NIBAN2: variants seen among roughly 807,000 people sequenced by gnomAD.
NIBAN2 encodes niban apoptosis regulator 2, also known as protein Niban 2.
In NIBAN2, 36 loss-of-function variants were observed where a neutral mutation model predicts 81.8. That is an observed-to-expected ratio of 0.44 (90% CI 0.34 to 0.58). NIBAN2 has a LOEUF of 0.58. NIBAN2 is among the 20% of genes least tolerant of loss of function. The probability of loss-of-function intolerance (pLI) is 0.02; values close to 1 mark genes in which losing one functional copy is unlikely to be tolerated. For missense variants in NIBAN2, 897 were observed against 1,014.1 expected, an observed-to-expected ratio of 0.88 and a Z score of 1.57; for synonymous variants, 445 against 441.6, an observed-to-expected ratio of 1.01 and a Z score of -0.10.
Position 127,517,907 on chromosome 9 carries a change from C to T in NIBAN2, c.624G>A (p.Ala208=), listed in dbSNP as rs143235897. Residue 208 remains alanine (A), a synonymous_variant, in exon 6 of 14, where the codon GCG becomes GCA. Coordinates refer to ENST00000373312, the MANE Select transcript of NIBAN2 (RefSeq NM_022833.4). This position sits in a 1 kb window ranked among gnomAD's most constrained non-coding sequence, Gnocchi z 4.0. The stretch of plus-strand genomic sequence containing the variant: ...GGTACATGCGGATGGCATCTGTGAA[C>T]GCAGGGCCCTCTACCTTGGAGTCCT... ...IPEDSKVEGP[A]FTDAIRMYRQ... The T allele has an allele frequency of 1.6e-4, 264 of 1,612,338 alleles. No individual in the cohort carries two copies. Among genetic ancestry groups the T allele is most frequent in the Admixed American group, 1.1e-3 (64 of 59,814 alleles).
intron 1 of NIBAN2, among the ~76,000 whole-genome samples, chr9:127,549,861 G>A (rs1383887663): frequency 6.6e-6 from 1 of 152,150 alleles, no homozygotes; most frequent in East Asian, 1.9e-4. Flanking sequence ...AGCTGCAGGT[G>A]TCCTCAGGCT....
chr9:127,557,567 C>A (rs1398644797), intron 1 of NIBAN2, among the ~76,000 whole-genome samples: 1 of 152,254 alleles, frequency 6.6e-6, no homozygotes, highest in Non-Finnish European at 1.5e-5. Flanking sequence ...GCCCAGCCCC[C>A]AGCCTGCAGG....
rs1837281335 is a variant in NIBAN2 at position 127,536,511 on chromosome 9, T to C, written c.56-4733A>G. On this transcript the variant is annotated intron_variant, in intron 1 of 13. Transcript: ENST00000373312. This position sits in a 1 kb window ranked among gnomAD's most constrained non-coding sequence, Gnocchi z 4.0. ...TTGCTTCAGGATTTTACAACTCAAA[T>C]TCCCACATGGCGTCCCGGCCTGGGT... is the stretch of plus-strand genomic sequence containing the variant. Among the ~76,000 whole-genome samples the C allele has an allele frequency of 6.6e-6, 1 of 152,186 alleles. No homozygotes were observed. Among genetic ancestry groups the C allele is most frequent in the Non-Finnish European group, 1.5e-5 (1 of 68,012 alleles).
At chr9:127,557,870 C>T (rs2132230367) in intron 1 of NIBAN2, among the ~76,000 whole-genome samples, 1 of 152,324 alleles carries the variant, frequency 6.6e-6, no homozygotes, top group African/African-American at 2.4e-5. Flanking sequence ...TCCTGCCACC[C>T]TCCTTGAGAG....
intron 1 of NIBAN2, among the ~76,000 whole-genome samples, chr9:127,544,273 G>A (rs1169455849): frequency 1.3e-5 from 2 of 152,134 alleles, no homozygotes; most frequent in Non-Finnish European, 2.9e-5. Context: ...CTGGAGCCAT[G>A]CTTAAAACAA....
intron 1 of NIBAN2, among the ~76,000 whole-genome samples, chr9:127,543,750 C>T (rs1837423265): frequency 6.6e-6 from 1 of 152,202 alleles, no homozygotes. Context: ...TTCCACAGTT[C>T]ACAATCTTAG....
At position 127,508,577 on chromosome 9, in the gene NIBAN2, G is replaced by T; in HGVS notation, c.1318-39C>A. 6.5e-7 allele frequency: 1 copy of T among 1,541,258 alleles called. No individual in the cohort carries two copies. The highest frequency in any genetic ancestry group is 9.0e-7 in the Non-Finnish European group (1 of 1,116,044). On this transcript the variant is annotated intron_variant, in intron 10 of 13. Transcript: ENST00000373312. This position sits in a 1 kb window ranked among gnomAD's most constrained non-coding sequence, Gnocchi z 6.4. ...CGCGGACATGTGAAGCCCCCAGGGT[G>T]ACCACAGCCCCTTCCTGGGTGCCGC... is the stretch of plus-strand genomic sequence containing the variant.
At chr9:127,558,312 C>A (rs773309193) in intron 1 of NIBAN2, among the ~76,000 whole-genome samples, 1 of 152,146 alleles carries the variant, frequency 6.6e-6, no homozygotes, top group Non-Finnish European at 1.5e-5. Flanking sequence ...CATCCCTTGC[C>A]GTCTGGGGCC....
chr9:127,527,143 C>A (rs1040702274), intron 3 of NIBAN2, 51 bp downstream of exon 3: 2 of 1,602,160 alleles, frequency 1.2e-6, no homozygotes. Flanking sequence ...GGAGGGGGCA[C>A]ACATGGAGAA....
intron 1 of NIBAN2, among the ~76,000 whole-genome samples, chr9:127,540,699 C>G (rs554968650): frequency 6.6e-6 from 1 of 152,206 alleles, no homozygotes; most frequent in African/African-American, 2.4e-5. Context: ...TCCACACGGA[C>G]GGGGGACCCA....
At position 127,536,687 on chromosome 9, in the gene NIBAN2, C is replaced by A. The variant is rs934421634; in HGVS notation, c.56-4909G>T. Among the ~76,000 whole-genome samples, 1 of 152,250 alleles carries A rather than the reference C, an allele frequency of 6.6e-6. No homozygotes were observed. The highest frequency in any genetic ancestry group is 2.4e-5 in the African/African-American group (1 of 41,468). ...GGGCCTCCAACACTCAGGCTTACCA[C>A]CCTGTTAGGGGAATGTGAGCCAGAG... On this transcript the variant is annotated intron_variant, in intron 1 of 13. Coordinates refer to ENST00000373312, the MANE Select transcript of NIBAN2 (RefSeq NM_022833.4). The surrounding 1 kb of genome is among the most constrained non-coding windows in gnomAD (Gnocchi z 4.0).
chr9:127,573,704 A>G (rs931927696), upstream of NIBAN2, among the ~76,000 whole-genome samples: 2 of 152,108 alleles, frequency 1.3e-5, no homozygotes, highest in African/African-American at 4.8e-5. Flanking sequence ...CCCAGGCTAG[A>G]GTGCAGTGGC....
At chr9:127,521,487 G>T (rs957985610) in intron 5 of NIBAN2, among the ~76,000 whole-genome samples, 4 of 152,170 alleles carry the variant, frequency 2.6e-5, no homozygotes, top group Admixed American at 2.0e-4. Context: ...GCTGCTCCAG[G>T]AATGCAGGAT....
At chr9:127,573,513 G>T (rs1837973142), upstream of NIBAN2, among the ~76,000 whole-genome samples, 1 of 151,008 alleles carries the variant, frequency 6.6e-6, no homozygotes, top group Admixed American at 6.6e-5. Flanking sequence ...ATTCCAGGAA[G>T]TTTGACATCA....
chr9:127,516,946 T>C lies in NIBAN2; in HGVS notation c.884A>G (p.Gln295Arg), dbSNP rs765067952. 2.5e-6 allele frequency: 4 copies of C among 1,614,056 alleles called. No homozygotes were observed. The highest frequency in any genetic ancestry group is 3.4e-6 in the Non-Finnish European group (4 of 1,180,032). Residue 295 changes from glutamine to arginine, a missense_variant, in exon 8 of 14, where the codon CAG becomes CGG. By Grantham distance (43) the Gln-to-Arg change is conservative. This residue lies in a region of NIBAN2 where 619 missense variants were observed against 691.0 expected (regional missense o/e 0.90). Transcript: ENST00000373312. The stretch of plus-strand genomic sequence containing the variant: ...GGCCTGCATGGCCGGCTGCACCTGC[T>C]GCACCTTGGACAGCACCTCCTCGAA... ...ARFEEVLSKV[Q>R]QVQPAMQAVI...
At chr9:127,547,109 C>T (rs1837485692) in intron 1 of NIBAN2, among the ~76,000 whole-genome samples, 1 of 152,104 alleles carries the variant, frequency 6.6e-6, no homozygotes, top group Admixed American at 6.5e-5. Context: ...TTCAACAGTG[C>T]AGTGTCAAGG....
rs1354598880 is a variant in NIBAN2 at position 127,536,197 on chromosome 9, A to C, written c.56-4419T>G. On this transcript the variant is annotated intron_variant, in intron 1 of 13. Coordinates refer to ENST00000373312, the MANE Select transcript of NIBAN2 (RefSeq NM_022833.4). This position sits in a 1 kb window ranked among gnomAD's most constrained non-coding sequence, Gnocchi z 4.0. ...AGAGGAAGTAACCCAGAGACGCAGA[A>C]GATGAGGACTCGGGTGCTGGGGACC... Among the ~76,000 whole-genome samples the C allele has an allele frequency of 6.6e-6, 1 of 152,186 alleles. No homozygotes were observed. Among genetic ancestry groups the C allele is most frequent in the Non-Finnish European group, 1.5e-5 (1 of 68,014 alleles).
At position 127,507,021 on chromosome 9, in the gene NIBAN2, C is replaced by T. The variant is rs765569017; in HGVS notation, c.2065G>A (p.Glu689Lys). ...GESPQPKAAP[E>K]ASSPPASPLQ... ...GGTGAGGCAGGCGGCGAGGAGGCCT[C>T]GGGGGCGGCCTTAGGCTGGGGACTC... Residue 689 changes from glutamate to lysine, a missense_variant, in exon 14 of 14, where the codon GAG becomes AAG. Physicochemically the swap from Glu to Lys is moderately conservative, Grantham distance 56 (BLOSUM62 1). Coordinates refer to ENST00000373312, the MANE Select transcript of NIBAN2 (RefSeq NM_022833.4). The surrounding 1 kb of genome is among the most constrained non-coding windows in gnomAD (Gnocchi z 6.8). 1.1e-5 allele frequency: 17 copies of T among 1,590,650 alleles called. No homozygotes were observed. Among genetic ancestry groups the T allele is most frequent in the Admixed American group, 3.5e-5 (2 of 57,684 alleles).
rs538190579 is a variant in NIBAN2 at position 127,508,736 on chromosome 9, G to A, written c.1318-198C>T. On this transcript the variant is annotated intron_variant, in intron 10 of 13. Transcript: ENST00000373312. This position sits in a 1 kb window ranked among gnomAD's most constrained non-coding sequence, Gnocchi z 6.4. Reference sequence around the variant, plus strand: ...TCAAGGCAACAGGAAATATGGGAAGGGGCCTGGGGGCGCAAGGAGAGCTTC... The same window carrying A: ...TCAAGGCAACAGGAAATATGGGAAGAGGCCTGGGGGCGCAAGGAGAGCTTC... 9.2e-5 allele frequency among the ~76,000 whole-genome samples: 14 copies of A among 152,226 alleles called. No homozygotes were observed. In the East Asian group the frequency reaches 2.5e-3, roughly 27 times the overall value.
Sources: allele counts gnomAD v4.1 joint callset (sites outside exome capture counted in the v4.1 genomes callset), GRCh38; gene constraint gnomAD v4.1.1; regional missense constraint gnomAD v4.1.1; non-coding constraint Gnocchi (gnomAD v3.1); transcripts MANE v1.5; gene names NCBI Gene and HGNC (gene_info 2026-07-23, HGNC 2026-07-21).